Variants in PPP1R2 observed in about 807,000 individuals in gnomAD.
The protein encoded by PPP1R2 is protein phosphatase 1 regulatory inhibitor subunit 2.
PPP1R2 carries 16 observed loss-of-function variants against 29.9 expected under a neutral mutation model. That is an observed-to-expected ratio of 0.53 (90% CI 0.36 to 0.81). PPP1R2 has a LOEUF of 0.81. PPP1R2 is among the 30% of genes least tolerant of loss of function. The probability of loss-of-function intolerance (pLI) is 0.00; values close to 1 mark genes in which losing one functional copy is unlikely to be tolerated. For missense variants in PPP1R2, 197 were observed against 252.7 expected, an observed-to-expected ratio of 0.78 and a Z score of 1.49; for synonymous variants, 76 against 91.5, an observed-to-expected ratio of 0.83 and a Z score of 0.96.
Position 195,516,087 on chromosome 3 carries a change from CAGG to C in PPP1R2, c.*806_*808del, listed in dbSNP as rs1718535031. 1 of 152,250 alleles carries C rather than the reference CAGG, an allele frequency of 6.6e-6. No individual in the cohort carries two copies. Among genetic ancestry groups the C allele is most frequent in the African/African-American group, 2.4e-5 (1 of 41,370 alleles). The allele number at this position is 152,250 out of a possible 1,614,324, so 9.4% of individuals were successfully genotyped here. A position where few individuals can be genotyped will look rare whatever the true frequency, so the allele number is the denominator to read the frequency against. ...TGTGGAAAGGAGTAGGAAAGAAAAGCAGGAGGTTAAGACAGGTATTTAAAGGGA... is the reference window on the plus strand; with the variant it reads ...TGTGGAAAGGAGTAGGAAAGAAAAGCAGGTTAAGACAGGTATTTAAAGGGA... On this transcript the variant is annotated 3_prime_UTR_variant, in exon 6 of 6. Coordinates refer to ENST00000618156, the MANE Select transcript of PPP1R2 (RefSeq NM_006241.8).
At chr3:195,525,902 T>C (rs1718953260) in intron 2 of PPP1R2, among the ~76,000 whole-genome samples, 1 of 152,134 alleles carries the variant, frequency 6.6e-6, no homozygotes, top group Admixed American at 6.6e-5. Flanking sequence ...TGTTATTGAG[T>C]TTAATCAAGC....
At chr3:195,537,742 T>G (rs1165239165) in intron 1 of PPP1R2, among the ~76,000 whole-genome samples, 2 of 152,046 alleles carry the variant, frequency 1.3e-5, no homozygotes, top group Non-Finnish European at 2.9e-5. Flanking sequence ...TTCTAAATAT[T>G]CAAAGTCTCA....
chr3:195,540,441 C>G (rs974359469), intron 1 of PPP1R2, among the ~76,000 whole-genome samples: 1 of 152,168 alleles, frequency 6.6e-6, no homozygotes, highest in Non-Finnish European at 1.5e-5. Flanking sequence ...TTTATTGTTT[C>G]TGTTCAAAGA....
At chr3:195,531,974 T>C (rs1461806062) in intron 1 of PPP1R2, among the ~76,000 whole-genome samples, 3 of 152,254 alleles carry the variant, frequency 2.0e-5, no homozygotes, top group East Asian at 3.8e-4. Flanking sequence ...CTTTTGTGAC[T>C]GGCGTATCTC....
chr3:195,529,733 G>A (rs1302205828), intron 2 of PPP1R2, 61 bp downstream of exon 2: 9 of 1,213,358 alleles, frequency 7.4e-6, no homozygotes, highest in African/African-American at 3.1e-5. Context: ...TTATCCAGAC[G>A]TTCATATGAA....
intron 5 of PPP1R2, among the ~76,000 whole-genome samples, chr3:195,517,275 C>G (rs1357711905): frequency 1.3e-5 from 2 of 152,012 alleles, no homozygotes; most frequent in Non-Finnish European, 2.9e-5. Flanking sequence ...TATAAAATAT[C>G]ACCTAAGAGT....
chr3:195,524,703 T>C (rs1035298222), intron 3 of PPP1R2, 116 bp downstream of exon 3: 12 of 931,018 alleles, frequency 1.3e-5, no homozygotes, highest in Non-Finnish European at 2.0e-5. Context: ...GCATAAAACA[T>C]GTTGATCAAC....
In PPP1R2 at chr3:195,543,255, G is replaced by C. The variant is rs823518; in HGVS notation, c.-230C>G. 0.065 allele frequency: 29,121 copies of C among 450,238 alleles called. 2,449 individuals are homozygous for C. The highest frequency in any genetic ancestry group is 0.38 in the East Asian group (9,438 of 24,958). The allele number at this position is 450,238 out of a possible 1,614,324, so 27.9% of individuals were successfully genotyped here. Reference sequence around the variant, plus strand: ...GCTACTCGCGCACCCTTAGCCACTGGCACTTGACCCGCGGCTCGCGGAGAG... The same window carrying C: ...GCTACTCGCGCACCCTTAGCCACTGCCACTTGACCCGCGGCTCGCGGAGAG... On this transcript the variant is annotated 5_prime_UTR_variant, in exon 1 of 6. Coordinates refer to ENST00000618156, the MANE Select transcript of PPP1R2 (RefSeq NM_006241.8).
chr3:195,531,973 C>G (rs1560440908), intron 1 of PPP1R2, among the ~76,000 whole-genome samples: 2 of 152,228 alleles, frequency 1.3e-5, no homozygotes, highest in South Asian at 4.1e-4. Context: ...CCTTTTGTGA[C>G]TGGCGTATCT....
At chr3:195,525,828 G>C (rs1718950237) in intron 2 of PPP1R2, among the ~76,000 whole-genome samples, 1 of 152,096 alleles carries the variant, frequency 6.6e-6, no homozygotes, top group African/African-American at 2.4e-5. Context: ...GGTTAATTAA[G>C]GTGACAAGTA....
chr3:195,526,952 T>C (rs1298803090), intron 2 of PPP1R2, among the ~76,000 whole-genome samples: 1 of 152,092 alleles, frequency 6.6e-6, no homozygotes, highest in African/African-American at 2.4e-5. Context: ...TGGGAATTTT[T>C]ATGTATTTTC....
At chr3:195,523,435 C>A in intron 4 of PPP1R2, among the ~76,000 whole-genome samples, 1 of 152,170 alleles carries the variant, frequency 6.6e-6, no homozygotes, top group Non-Finnish European at 1.5e-5. Flanking sequence ...ATCTACTCTG[C>A]ACTAAAAAGT....
intron 1 of PPP1R2, among the ~76,000 whole-genome samples, chr3:195,536,859 A>G (rs1171198520): frequency 1.3e-5 from 2 of 151,282 alleles, no homozygotes; most frequent in East Asian, 1.9e-4. Context: ...AAAAAGAATG[A>G]GGAAAGACCT....
chr3:195,535,586 C>T (rs823509), intron 1 of PPP1R2, among the ~76,000 whole-genome samples: 68,019 of 152,010 alleles, frequency 0.45, 15,795 homozygotes, highest in African/African-American at 0.54. Context: ...CAAGAGCTAA[C>T]AGACATCACA....
chr3:195,541,455 CTTTTTTTTTTTTTT>C (rs553981950), intron 1 of PPP1R2, among the ~76,000 whole-genome samples: 1 of 99,316 alleles, frequency 1.0e-5, no homozygotes, highest in Non-Finnish European at 2.0e-5. Flanking sequence ...CTTTTCTTTC[CTTTTTTTTTTTTTT>C]TTTTTTTTTA....
chr3:195,527,470 A>T (rs1719015576), intron 2 of PPP1R2, among the ~76,000 whole-genome samples: 1 of 151,846 alleles, frequency 6.6e-6, no homozygotes, highest in South Asian at 2.1e-4. Context: ...AAAATAAAAA[A>T]TAAAAAACAG....
intron 1 of PPP1R2, 28 bp downstream of exon 1, chr3:195,542,876 C>G: frequency 2.5e-6 from 4 of 1,584,946 alleles, no homozygotes; most frequent in Middle Eastern, 1.7e-4. Context: ...GAAGGAGGGG[C>G]TCCCAGGCCG....
intron 4 of PPP1R2, among the ~76,000 whole-genome samples, chr3:195,522,672 G>A (rs1718805998): frequency 6.6e-6 from 1 of 152,168 alleles, no homozygotes; most frequent in South Asian, 2.1e-4. Flanking sequence ...TTGAGAATAT[G>A]CTACATGTAA....
At chr3:195,535,484 C>T (rs1719344393) in intron 1 of PPP1R2, among the ~76,000 whole-genome samples, 1 of 152,218 alleles carries the variant, frequency 6.6e-6, no homozygotes, top group Non-Finnish European at 1.5e-5. Flanking sequence ...CGCATGACTT[C>T]ACGGGATTTA....
Sources: allele counts gnomAD v4.1 joint callset (sites outside exome capture counted in the v4.1 genomes callset), GRCh38; gene constraint gnomAD v4.1.1; transcripts MANE v1.5; gene names NCBI Gene and HGNC (gene_info 2026-07-23, HGNC 2026-07-21).